The following CCDC7 variants were observed in gnomAD, a reference collection of about 807,000 sequenced individuals.
The protein encoded by CCDC7 is coiled-coil domain-containing protein 7.
CCDC7 carries 183 observed loss-of-function variants against 196.9 expected under a neutral mutation model. The ratio of observed to expected loss-of-function variants is 0.93; its 90% confidence interval spans 0.82 to 1.05. The LOEUF (loss-of-function observed/expected upper bound fraction) is 1.05. Ranked by LOEUF, CCDC7 falls within the 50% of genes least tolerant of loss-of-function variation. CCDC7 has a pLI of 0.00. For synonymous variants in CCDC7, 525 were observed against 484.6 expected (o/e 1.08, Z -1.10); for missense variants, 1,540 against 1,482.2 (o/e 1.04, Z -0.64).
intron 9 of CCDC7, among the ~76,000 whole-genome samples, chr10:32,508,404 C>T (rs543208388): frequency 4.5e-4 from 69 of 152,142 alleles, no homozygotes; most frequent in East Asian, 1.4e-3. Context: ...CACAAAGAAA[C>T]GGGACAGTAT....
chr10:32,511,889 C>A (rs1000532046), intron 9 of CCDC7: 6 of 616,144 alleles, frequency 9.7e-6, no homozygotes, highest in Non-Finnish European at 1.8e-5. Flanking sequence ...AATTACATAC[C>A]AATAAAGTGA....
At chr10:32,567,546 T>G (rs575293291) in intron 14 of CCDC7, 124 bp from the exon 16 acceptor site, 116 of 1,156,840 alleles carry the variant, frequency 1.0e-4, no homozygotes, top group Non-Finnish European at 1.3e-4. Flanking sequence ...TTTGCTCCCT[T>G]CAACTCAGTA....
At chr10:32,481,423 A>G (rs1427690682) in intron 8 of CCDC7, among the ~76,000 whole-genome samples, 1 of 152,036 alleles carries the variant, frequency 6.6e-6, no homozygotes, top group Non-Finnish European at 1.5e-5. Flanking sequence ...TTGTTGATAT[A>G]CTTTTACTCC....
chr10:32,627,846 C>A (rs73257461), intron 18 of CCDC7, among the ~76,000 whole-genome samples: 1 of 152,028 alleles, frequency 6.6e-6, no homozygotes, highest in East Asian at 1.9e-4. Flanking sequence ...ACCTTTTATG[C>A]ATCCCTAGGA....
intron 24 of CCDC7, among the ~76,000 whole-genome samples, chr10:32,697,379 C>T (rs1023204084): frequency 2.0e-5 from 3 of 152,212 alleles, no homozygotes; most frequent in African/African-American, 7.2e-5. Context: ...AGGACATCGC[C>T]TCACCCAGGA....
chr10:32,734,570 A>G (rs1454938970), intron 28 of CCDC7, among the ~76,000 whole-genome samples: 1 of 152,180 alleles, frequency 6.6e-6, no homozygotes, highest in Non-Finnish European at 1.5e-5. Context: ...AAACATTCAC[A>G]GATACCCCCG....
Position 32,659,116 on chromosome 10 carries a change from A to G in CCDC7, c.2015-4938A>G, listed in dbSNP as rs373337462. 3.9e-4 allele frequency among the ~76,000 whole-genome samples: 60 copies of G among 152,142 alleles called. 1 individual carries two copies. In the South Asian group the frequency reaches 0.012, roughly 29 times the overall value. On this transcript the variant is annotated intron_variant, in intron 20 of 41. Transcript: ENST00000639629. ...CTCTTTGTTTTTAGTGTTCCATGAC[A>G]TGTACTAGATTTTTGGATTTGAGGT...
rs76857675 is a variant in CCDC7, at chr10:32,538,393, C to T, written c.994-4907C>T. Among the ~76,000 whole-genome samples, 870 of 152,270 alleles carry T rather than the reference C, an allele frequency of 5.7e-3. 13 individuals carry two copies. The highest frequency in any genetic ancestry group is 0.02 in the African/African-American group (828 of 41,560). The stretch of plus-strand genomic sequence containing the variant: ...AGCTGAAGGAGATTTTGGGCCAAGC[C>T]TATGGAGTTTTCTAGATATAGAATC... On this transcript the variant is annotated intron_variant, in intron 11 of 41. Transcript: ENST00000639629.
chr10:32,798,817 G>A (rs2084173856), intron 29 of CCDC7, among the ~76,000 whole-genome samples: 1 of 152,216 alleles, frequency 6.6e-6, no homozygotes, highest in South Asian at 2.1e-4. Flanking sequence ...CTGTAGTGCT[G>A]TAGCTGTCCA....
rs967569540 is a variant in CCDC7, at chr10:32,482,800, C to T, written c.796+8777C>T. Among the ~76,000 whole-genome samples the T allele has an allele frequency of 3.3e-5, 5 of 152,148 alleles. No homozygotes were observed. The East Asian group carries it at 9.6e-4, about 29-fold the overall frequency. ...TGCTGAGAATGATGGTTTCCAGCTT[C>T]ATCCATGTCCCTACAAAGGACATGA... On this transcript the variant is annotated intron_variant, in intron 8 of 41. Transcript: ENST00000639629.
chr10:32,827,205 T>A (rs1320533734), intron 32 of CCDC7, among the ~76,000 whole-genome samples: 1 of 152,098 alleles, frequency 6.6e-6, no homozygotes, highest in Non-Finnish European at 1.5e-5. Context: ...GGGATGGAGG[T>A]TATACATGGG....
At chr10:32,745,728 T>G (rs550712905) in intron 28 of CCDC7, among the ~76,000 whole-genome samples, 1 of 152,182 alleles carries the variant, frequency 6.6e-6, no homozygotes, top group Non-Finnish European at 1.5e-5. Flanking sequence ...TCATATAAAC[T>G]TTAGAATTAG....
At chr10:32,506,516 A>C (rs2135177307) in intron 9 of CCDC7, among the ~76,000 whole-genome samples, 2 of 152,248 alleles carry the variant, frequency 1.3e-5, no homozygotes, top group East Asian at 3.9e-4. Flanking sequence ...TGGGAGGTGG[A>C]GGTTGTAGCG....
At chr10:32,719,855 A>G (rs901796166) in intron 25 of CCDC7, among the ~76,000 whole-genome samples, 2 of 152,210 alleles carry the variant, frequency 1.3e-5, no homozygotes, top group Non-Finnish European at 2.9e-5. Flanking sequence ...TGATCATTAA[A>G]AAGTCAGGAA....
At chr10:32,766,583 T>C (rs72782273) in intron 28 of CCDC7, among the ~76,000 whole-genome samples, 13,434 of 152,106 alleles carry the variant, frequency 0.088, 874 homozygotes, top group East Asian at 0.33. Context: ...ATCCTTTTTG[T>C]AAAACAGTTC....
chr10:32,482,650 C>A (rs555230418), intron 8 of CCDC7, among the ~76,000 whole-genome samples: 3 of 151,230 alleles, frequency 2.0e-5, no homozygotes, highest in Non-Finnish European at 4.4e-5. Flanking sequence ...CCTCCCACCT[C>A]CCCCAACCCC....
intron 9 of CCDC7, among the ~76,000 whole-genome samples, chr10:32,495,273 G>A (rs908186245): frequency 2.0e-5 from 3 of 152,074 alleles, no homozygotes; most frequent in Non-Finnish European, 4.4e-5. Context: ...TAAATTCTTT[G>A]TAGATTCTGG....
chr10:32,786,869 G>C (rs2081972783), intron 29 of CCDC7, among the ~76,000 whole-genome samples: 1 of 152,124 alleles, frequency 6.6e-6, no homozygotes, highest in Non-Finnish European at 1.5e-5. Flanking sequence ...TGTAAAAAAA[G>C]TGAAATAAAG....
chr10:32,526,920 G>A (rs537784008), intron 11 of CCDC7, among the ~76,000 whole-genome samples: 12 of 152,206 alleles, frequency 7.9e-5, no homozygotes, highest in South Asian at 6.2e-4. Flanking sequence ...TGGTATCTTC[G>A]TAGGTCACGT....
Sources: gnomAD v4.1 joint callset for allele counts (sites outside exome capture counted in the v4.1 genomes callset) on GRCh38, gnomAD v4.1.1 for gene constraint, MANE v1.5 for transcripts, NCBI Gene and HGNC (gene_info 2026-07-23, HGNC 2026-07-21) for gene names.